MARCHF1: variants seen among roughly 807,000 people sequenced by gnomAD.
The protein encoded by MARCHF1 is E3 ubiquitin-protein ligase MARCHF1.
MARCHF1 carries 40 observed loss-of-function variants against 54.2 expected under a neutral mutation model. That is an observed-to-expected ratio of 0.74 (90% CI 0.57 to 0.96). The LOEUF (loss-of-function observed/expected upper bound fraction) is 0.96, where lower values mean the gene tolerates loss of function less well. MARCHF1 is among the 40% of genes least tolerant of loss of function. MARCHF1 has a pLI of 0.00. For missense variants in MARCHF1, 586 were observed against 656.5 expected (o/e 0.89, Z 1.17); for synonymous variants, 236 against 236.3 (o/e 1.00, Z 0.01).
intron 1 of MARCHF1, among the ~76,000 whole-genome samples, chr4:164,366,695 T>C (rs1199018583): frequency 6.6e-6 from 1 of 151,922 alleles, no homozygotes; most frequent in Non-Finnish European, 1.5e-5. Context: ...GTTAGCTATA[T>C]AATTTTATTT....
chr4:164,330,725 A>T (rs187900292), intron 1 of MARCHF1, among the ~76,000 whole-genome samples: 39 of 152,324 alleles, frequency 2.6e-4, no homozygotes, highest in Admixed American at 2.5e-3. Context: ...GATACAGGAT[A>T]GGATTATATT....
At chr4:163,910,642 C>G (rs184398893) in intron 3 of MARCHF1, among the ~76,000 whole-genome samples, 2 of 152,172 alleles carry the variant, frequency 1.3e-5, no homozygotes, top group Admixed American at 1.3e-4. Flanking sequence ...TTACTGGCAC[C>G]CACCACCATG....
At chr4:164,355,694 C>G (rs74606087) in intron 1 of MARCHF1, among the ~76,000 whole-genome samples, 4 of 87,512 alleles carry the variant, frequency 4.6e-5, no homozygotes, top group African/African-American at 1.4e-4. Context: ...CCATTCAGGA[C>G]ATAGGCATGG....
At chr4:164,187,885 T>C (rs886782257) in intron 1 of MARCHF1, among the ~76,000 whole-genome samples, 1 of 152,142 alleles carries the variant, frequency 6.6e-6, no homozygotes. Context: ...TTTCCCCATC[T>C]TTTTTTGACT....
At chr4:164,014,056 G>A (rs1043119120) in intron 2 of MARCHF1, among the ~76,000 whole-genome samples, 2 of 152,014 alleles carry the variant, frequency 1.3e-5, no homozygotes, top group Non-Finnish European at 2.9e-5. Flanking sequence ...ACTGGGCATG[G>A]TGATGCACCT....
chr4:163,796,487 A>G (rs1357521291), intron 4 of MARCHF1, among the ~76,000 whole-genome samples: 6 of 152,192 alleles, frequency 3.9e-5, no homozygotes, highest in South Asian at 4.1e-4. Flanking sequence ...ATGTGTTGTT[A>G]TTATAGACAC....
At chr4:163,647,089 T>C (rs1020709734) in intron 5 of MARCHF1, among the ~76,000 whole-genome samples, 3 of 152,020 alleles carry the variant, frequency 2.0e-5, no homozygotes, top group Admixed American at 1.3e-4. Context: ...CAAACGGAAA[T>C]GAAGACGTCA....
intron 1 of MARCHF1, among the ~76,000 whole-genome samples, chr4:164,148,158 C>T (rs1215461782): frequency 6.6e-6 from 1 of 151,640 alleles, no homozygotes; most frequent in Non-Finnish European, 1.5e-5. Context: ...CACACACACA[C>T]ACACACACAC....
intron 2 of MARCHF1, among the ~76,000 whole-genome samples, chr4:164,041,430 C>T (rs184908534): frequency 1.4e-3 from 216 of 152,210 alleles, no homozygotes; most frequent in South Asian, 3.9e-3. Context: ...AGATTCATGC[C>T]TTCCTCATTA....
chr4:164,376,053 C>T (rs1731181767), intron 1 of MARCHF1, among the ~76,000 whole-genome samples: 1 of 152,192 alleles, frequency 6.6e-6, no homozygotes, highest in Non-Finnish European at 1.5e-5. Context: ...TAATTAATTT[C>T]ACAGAAATAA....
chr4:164,224,191 G>A (rs1343672636), intron 1 of MARCHF1, among the ~76,000 whole-genome samples: 1 of 151,138 alleles, frequency 6.6e-6, no homozygotes. Flanking sequence ...TGTGTCTGCA[G>A]CAGTATTTAC....
At chr4:164,324,535 A>G (rs1735223042) in intron 1 of MARCHF1, among the ~76,000 whole-genome samples, 1 of 151,556 alleles carries the variant, frequency 6.6e-6, no homozygotes, top group African/African-American at 2.4e-5. Context: ...CTAAGTTTAA[A>G]AATCTCTATA....
intron 1 of MARCHF1, among the ~76,000 whole-genome samples, chr4:164,212,068 G>GTGATGA (rs143268270): frequency 6.6e-6 from 1 of 151,876 alleles, no homozygotes; most frequent in African/African-American, 2.4e-5. Context: ...TGCTCTCAAA[G>GTGATGA]TGATGATGAT....
chr4:163,567,400 A>G (rs971557005), intron 8 of MARCHF1, among the ~76,000 whole-genome samples: 4 of 152,214 alleles, frequency 2.6e-5, no homozygotes, highest in African/African-American at 7.2e-5. Context: ...CACTGGGAAC[A>G]TGGTAGAAAT....
intron 4 of MARCHF1, among the ~76,000 whole-genome samples, chr4:163,716,559 C>A (rs958650715): frequency 2.9e-4 from 44 of 152,268 alleles, no homozygotes; most frequent in Non-Finnish European, 1.5e-5. Context: ...ATTATTAATA[C>A]ACGCCTTTTG....
At chr4:163,533,531 G>GT (rs1240138057) in intron 9 of MARCHF1, among the ~76,000 whole-genome samples, 1 of 151,868 alleles carries the variant, frequency 6.6e-6, no homozygotes, top group African/African-American at 2.4e-5. Flanking sequence ...TGGCTCCTCA[G>GT]TGGTAACAAA....
chr4:163,642,917 G>C (rs2111038459), intron 5 of MARCHF1, among the ~76,000 whole-genome samples: 1 of 152,046 alleles, frequency 6.6e-6, no homozygotes, highest in Admixed American at 6.6e-5. Flanking sequence ...TGTGGCATAA[G>C]CACTAACTGA....
At chr4:163,545,558 T>C in intron 9 of MARCHF1, 38 bp downstream of exon 9, 1 of 1,594,864 alleles carries the variant, frequency 6.3e-7, no homozygotes, top group Non-Finnish European at 8.5e-7. Flanking sequence ...GTATTGTCTT[T>C]AGGATCCAAG....
At chr4:164,089,020 G>A (rs1459000970) in intron 2 of MARCHF1, among the ~76,000 whole-genome samples, 1 of 152,094 alleles carries the variant, frequency 6.6e-6, no homozygotes, top group Non-Finnish European at 1.5e-5. Flanking sequence ...AACCTAGAAT[G>A]ATCCTTCACA....
Sources: gnomAD v4.1 joint callset for allele counts (sites outside exome capture counted in the v4.1 genomes callset) on GRCh38, gnomAD v4.1.1 for gene constraint, MANE v1.5 for transcripts, NCBI Gene and HGNC (gene_info 2026-07-23, HGNC 2026-07-21) for gene names.